The following ACTR3C variants were observed in gnomAD, a reference collection of about 807,000 sequenced individuals.
ACTR3C encodes the protein actin related protein 3C.
A neutral mutation model predicts 26.3 loss-of-function variants in ACTR3C; 18 were observed. The ratio of observed to expected loss-of-function variants is 0.68; its 90% CI spans 0.47 to 1.01. The LOEUF is 1.01. ACTR3C is among the 50% of genes least tolerant of loss of function. The pLI is 0.00. For missense variants in ACTR3C, 184 were observed against 250.7 expected (o/e 0.73, Z 1.80); for synonymous variants, 55 against 94.5 (o/e 0.58, Z 2.42).
the ACTR3C span, among the ~76,000 whole-genome samples, chr7:150,026,394 G>A: frequency 7.9e-5 from 12 of 152,062 alleles, no homozygotes; most frequent in Non-Finnish European, 1.0e-4. Context: ...CTGCTCAATA[G>A]CACTGATGTA....
At chr7:150,255,677 T>G (rs1833169786) in intron 6 of ACTR3C, among the ~76,000 whole-genome samples, 1 of 152,160 alleles carries the variant, frequency 6.6e-6, no homozygotes, top group African/African-American at 2.4e-5. Context: ...GGCATGTCTT[T>G]GGAATGATCG....
the ACTR3C span, among the ~76,000 whole-genome samples, chr7:149,972,753 A>G: frequency 6.6e-6 from 1 of 152,324 alleles, no homozygotes; most frequent in Non-Finnish European, 1.5e-5. Flanking sequence ...ATGGTGGGAG[A>G]GACAAATAAA....
the ACTR3C span, among the ~76,000 whole-genome samples, chr7:149,992,236 G>A: frequency 6.6e-6 from 1 of 152,244 alleles, no homozygotes; most frequent in Non-Finnish European, 1.5e-5. Context: ...CCATGTCCAT[G>A]CCACCAAATA....
the ACTR3C span, among the ~76,000 whole-genome samples, chr7:150,180,511 C>CT: frequency 0.088 from 11,009 of 125,730 alleles, 716 homozygotes; most frequent in South Asian, 0.18. Flanking sequence ...AGTAGTATAT[C>CT]TTTTTTTTTT....
chr7:149,950,417 A>G, the ACTR3C span, among the ~76,000 whole-genome samples: 1 of 148,868 alleles, frequency 6.7e-6, no homozygotes, highest in South Asian at 2.1e-4. Context: ...GGACACACAT[A>G]TGTAAGAATC....
At chr7:150,030,045 T>C in the ACTR3C span, among the ~76,000 whole-genome samples, 2 of 132,560 alleles carry the variant, frequency 1.5e-5, no homozygotes, top group Non-Finnish European at 3.2e-5. Context: ...TTTTCTCAGA[T>C]AACAATAAGA....
the ACTR3C span, among the ~76,000 whole-genome samples, chr7:150,163,855 T>C: frequency 6.6e-6 from 1 of 151,900 alleles, no homozygotes; most frequent in South Asian, 2.1e-4. Context: ...CCCCAATGGA[T>C]TGGGGAAGGC....
chr7:150,273,144 G>A (rs551291833), intron 6 of ACTR3C, among the ~76,000 whole-genome samples: 1 of 150,570 alleles, frequency 6.6e-6, no homozygotes, highest in Admixed American at 6.6e-5. Flanking sequence ...ACAACAGTCT[G>A]AAAGAAAGCT....
chr7:150,282,539 A>G lies in ACTR3C; in HGVS notation c.564+2214T>C, dbSNP rs548373735. The stretch of plus-strand genomic sequence containing the variant: ...CCTCTCAATCCTACATGAATTCTCT[A>G]TCACTTGCAAGGCACTCATAACACT... On this transcript the variant is annotated intron_variant, in intron 6 of 7. Transcript: ENST00000683684. 7.0e-5 allele frequency among the ~76,000 whole-genome samples: 10 copies of G among 142,506 alleles called. No individual in the cohort carries two copies. The South Asian group carries it at 1.7e-3, about 24-fold the overall frequency. 93.5% of individuals were successfully genotyped at this position (142,506 alleles called of 152,430 possible).
the ACTR3C span, among the ~76,000 whole-genome samples, chr7:149,948,493 G>A: frequency 5.3e-5 from 8 of 150,600 alleles, no homozygotes; most frequent in African/African-American, 2.0e-4. Context: ...AACACCTCCC[G>A]GTTCCCTCAG....
chr7:150,103,621 C>A, the ACTR3C span, among the ~76,000 whole-genome samples: 1 of 151,740 alleles, frequency 6.6e-6, no homozygotes, highest in African/African-American at 2.4e-5. Context: ...CTGAAGTAGT[C>A]ATTAGTGTCA....
chr7:150,161,897 T>G, the ACTR3C span, among the ~76,000 whole-genome samples: 1 of 151,974 alleles, frequency 6.6e-6, no homozygotes, highest in Non-Finnish European at 1.5e-5. Flanking sequence ...GCTTACTCTC[T>G]GCGGGGCCCT....
At chr7:149,956,427 C>T in the ACTR3C span, among the ~76,000 whole-genome samples, 1 of 152,058 alleles carries the variant, frequency 6.6e-6, no homozygotes, top group Non-Finnish European at 1.5e-5. Flanking sequence ...AACAAACAAA[C>T]AAACCCCAAA....
chr7:150,293,067 A>G (rs1352746975), intron 3 of ACTR3C, among the ~76,000 whole-genome samples: 3 of 151,854 alleles, frequency 2.0e-5, no homozygotes, highest in Admixed American at 6.6e-5. Flanking sequence ...AAAATATGCC[A>G]CCATGAATTG....
chr7:149,959,347 AT>A, the ACTR3C span, among the ~76,000 whole-genome samples: 1 of 151,722 alleles, frequency 6.6e-6, no homozygotes, highest in Non-Finnish European at 1.5e-5. Context: ...GTGTATTAAT[AT>A]TTCTCACTGT....
the ACTR3C span, among the ~76,000 whole-genome samples, chr7:150,086,144 T>C: frequency 4.6e-5 from 7 of 151,838 alleles, no homozygotes; most frequent in Admixed American, 1.3e-4. Context: ...CCACCACACA[T>C]GGTTAATTTT....
the ACTR3C span, among the ~76,000 whole-genome samples, chr7:150,037,442 C>T: frequency 3.7e-5 from 2 of 54,622 alleles, no homozygotes; most frequent in African/African-American, 1.1e-4. Flanking sequence ...GCTCTCAATC[C>T]CTGCCTCGCG....
the ACTR3C span, among the ~76,000 whole-genome samples, chr7:150,083,243 G>T: frequency 1.3e-5 from 2 of 151,598 alleles, no homozygotes; most frequent in African/African-American, 4.8e-5. Context: ...ACCATGCCCA[G>T]CCTCCTCTAG....
intron 6 of ACTR3C, among the ~76,000 whole-genome samples, chr7:150,277,325 C>T (rs913250656): frequency 5.9e-5 from 9 of 152,242 alleles, no homozygotes; most frequent in Middle Eastern, 3.4e-3. Flanking sequence ...AAAAAGAGAT[C>T]GTGAGATACC....
Sources: allele counts gnomAD v4.1 joint callset (sites outside exome capture counted in the v4.1 genomes callset), GRCh38; gene constraint gnomAD v4.1.1; transcripts MANE v1.5; gene names NCBI Gene and HGNC (gene_info 2026-07-23, HGNC 2026-07-21).